The following CAV1 variants were observed in gnomAD, a reference collection of about 807,000 sequenced individuals.
The protein encoded by CAV1 is caveolin-1.
In CAV1, 10 loss-of-function variants were observed where a neutral mutation model predicts 16.5. The ratio of observed to expected loss-of-function variants is 0.61; its 90% CI spans 0.37 to 1.03. The LOEUF (loss-of-function observed/expected upper bound fraction) is 1.03. Among genes scored for constraint, CAV1 ranks in the 50% least tolerant of loss-of-function variants. The probability of loss-of-function intolerance (pLI) is 0.01; values close to 1 mark genes in which losing one functional copy is unlikely to be tolerated. For missense variants in CAV1, 212 were observed against 232.8 expected (o/e 0.91, Z 0.58); for synonymous variants, 76 against 85.1 (o/e 0.89, Z 0.59).
chr7:116,557,795 C>T (rs1265263192), intron 2 of CAV1, among the ~76,000 whole-genome samples: 1 of 152,076 alleles, frequency 6.6e-6, no homozygotes, highest in Non-Finnish European at 1.5e-5. Flanking sequence ...TGCCTTGAGT[C>T]TCTTTCCTCC....
intron 2 of CAV1, among the ~76,000 whole-genome samples, chr7:116,533,342 A>G (rs922523534): frequency 8.4e-5 from 3 of 35,868 alleles, no homozygotes; most frequent in African/African-American, 1.9e-4. Flanking sequence ...GTCTCAAAAA[A>G]TAAAATAAAT....
chr7:116,526,345 ACGCGCAGG>A, intron 1 of CAV1, 172 bp from the exon 2 acceptor site: 1 of 1,476,502 alleles, frequency 6.8e-7, no homozygotes, highest in Non-Finnish European at 9.0e-7. Context: ...AAAGCTGGCT[ACGCGCAGG>A]CGGTTTCTGT....
intron 2 of CAV1, among the ~76,000 whole-genome samples, chr7:116,542,208 T>C (rs1793955305): frequency 6.6e-6 from 1 of 152,278 alleles, no homozygotes; most frequent in Non-Finnish European, 1.5e-5. Flanking sequence ...CACACAGTTT[T>C]GCAGCTTGTA....
rs140816269 is a variant in CAV1 at position 116,541,931 on chromosome 7, C to T, written c.195+15242C>T. Among the ~76,000 whole-genome samples, 38 of 152,188 alleles carry T rather than the reference C, an allele frequency of 2.5e-4. 2 individuals are homozygous for T. The East Asian group carries it at 7.0e-3, about 28-fold the overall frequency. Reference sequence around the variant, plus strand: ...GCCTCTACAGTTATAGTTTAACTGGCGCATAACAGCCTTCACACACAGCCT... The same window carrying T: ...GCCTCTACAGTTATAGTTTAACTGGTGCATAACAGCCTTCACACACAGCCT... On this transcript the variant is annotated intron_variant, in intron 2 of 2. Transcript: ENST00000341049.
intron 2 of CAV1, 121 bp downstream of exon 2, chr7:116,526,810 A>G: frequency 9.2e-7 from 1 of 1,081,688 alleles, no homozygotes. Context: ...ACGCGCACAC[A>G]CACACACACA....
chr7:116,555,557 AAAG>A (rs1794266840), intron 2 of CAV1, among the ~76,000 whole-genome samples: 2 of 76,398 alleles, frequency 2.6e-5, no homozygotes, highest in Non-Finnish European at 5.6e-5. Context: ...AGAAAGAAAG[AAAG>A]AAAGAAAGAA....
intron 2 of CAV1, among the ~76,000 whole-genome samples, chr7:116,537,266 G>C (rs562603822): frequency 6.6e-6 from 1 of 152,082 alleles, no homozygotes; most frequent in Admixed American, 6.5e-5. Context: ...TGCATCCTGC[G>C]CTTGTCAGAA....
chr7:116,538,357 A>G (rs933475214), intron 2 of CAV1, among the ~76,000 whole-genome samples: 23 of 152,248 alleles, frequency 1.5e-4, no homozygotes, highest in Admixed American at 1.0e-3. Context: ...ATTAATCTCT[A>G]AGAAGAACAA....
chr7:116,543,599 T>C (rs1349233047), intron 2 of CAV1, among the ~76,000 whole-genome samples: 1 of 152,204 alleles, frequency 6.6e-6, no homozygotes, highest in African/African-American at 2.4e-5. Context: ...GCTACAAACT[T>C]TCAGGTTTGG....
intron 2 of CAV1, among the ~76,000 whole-genome samples, chr7:116,554,345 A>G (rs765674649): frequency 6.6e-6 from 1 of 152,198 alleles, no homozygotes; most frequent in Non-Finnish European, 1.5e-5. Flanking sequence ...TGGAAAGGAC[A>G]TTTCTCATAA....
rs1015158708 is a variant in CAV1, at chr7:116,559,435, A to G, written c.*148A>G. 18 of 662,046 alleles carry G rather than the reference A, an allele frequency of 2.7e-5. No individual in the cohort carries two copies. The Middle Eastern group carries it at 4.0e-3, about 147-fold the overall frequency. 41.0% of individuals were successfully genotyped at this position (662,046 alleles called of 1,614,324 possible). A position where few individuals can be genotyped will look rare whatever the true frequency, so the allele number is the denominator to read the frequency against. ...TAAAAAGATCACTTTCTCAGTTTTC[A>G]TAAGTATTATGTCTCTTCTGAGCTA... On this transcript the variant is annotated 3_prime_UTR_variant, in exon 3 of 3. Coordinates refer to ENST00000341049, the MANE Select transcript of CAV1 (RefSeq NM_001753.5).
At chr7:116,548,993 A>G (rs1489743817) in intron 2 of CAV1, among the ~76,000 whole-genome samples, 1 of 152,186 alleles carries the variant, frequency 6.6e-6, no homozygotes, top group Non-Finnish European at 1.5e-5. Flanking sequence ...CCCTTGTTCT[A>G]TGCATCCCTC....
chr7:116,552,627 G>A (rs1047857346), intron 2 of CAV1, among the ~76,000 whole-genome samples: 10 of 152,150 alleles, frequency 6.6e-5, no homozygotes, highest in African/African-American at 2.4e-4. Flanking sequence ...TTCTAATCAT[G>A]CATGTCACCT....
chr7:116,543,161 G>A (rs1024636836), intron 2 of CAV1, among the ~76,000 whole-genome samples: 6 of 152,106 alleles, frequency 3.9e-5, no homozygotes, highest in South Asian at 2.1e-4. Context: ...AAAATCAAGA[G>A]GCAGAAACAG....
intron 2 of CAV1, among the ~76,000 whole-genome samples, chr7:116,531,684 C>G (rs183951214): frequency 4.8e-4 from 73 of 152,320 alleles, no homozygotes; most frequent in African/African-American, 1.3e-3. Flanking sequence ...GTGCGCTGCA[C>G]CCACTAACTC....
chr7:116,558,113 TC>T (rs1278647121), intron 2 of CAV1, among the ~76,000 whole-genome samples: 1 of 152,166 alleles, frequency 6.6e-6, no homozygotes, highest in African/African-American at 2.4e-5. Context: ...TCTTGATGCC[TC>T]CCAGCACACC....
chr7:116,534,385 A>ATTTTTTTTTTTTTTTTTTTT (rs1181456517), intron 2 of CAV1, among the ~76,000 whole-genome samples: 1 of 9,152 alleles, frequency 1.1e-4, no homozygotes, highest in African/African-American at 3.2e-4. Context: ...ATATATATAT[A>ATTTTTTTTTTTTTTTTTTTT]TATATATATA....
At chr7:116,548,334 C>T (rs1315047095) in intron 2 of CAV1, among the ~76,000 whole-genome samples, 1 of 152,216 alleles carries the variant, frequency 6.6e-6, no homozygotes, top group African/African-American at 2.4e-5. Flanking sequence ...AAAGACATGA[C>T]AACACAGTGA....
At chr7:116,549,538 A>C (rs780201356) in intron 2 of CAV1, among the ~76,000 whole-genome samples, 10 of 152,142 alleles carry the variant, frequency 6.6e-5, no homozygotes, top group Non-Finnish European at 1.3e-4. Flanking sequence ...TTAAAATAAA[A>C]TGATTTTTAT....
Sources: allele counts gnomAD v4.1 joint callset (sites outside exome capture counted in the v4.1 genomes callset), GRCh38; gene constraint gnomAD v4.1.1; transcripts MANE v1.5; gene names NCBI Gene and HGNC (gene_info 2026-07-23, HGNC 2026-07-21).